The following ADAMTSL1 variants were observed in gnomAD, a reference collection of about 807,000 sequenced individuals.
The protein encoded by ADAMTSL1 is ADAMTS-like protein 1.
ADAMTSL1 carries 126 observed loss-of-function variants against 201.8 expected under a neutral mutation model. The observed-to-expected ratio is 0.62, with a 90% CI of 0.54 to 0.72. The LOEUF is 0.72. Among genes scored for constraint, ADAMTSL1 ranks in the 30% least tolerant of loss-of-function variants. The pLI is 0.00. For synonymous variants in ADAMTSL1, 1,121 were observed against 903.4 expected (o/e 1.24, Z -4.32); for missense variants, 2,679 against 2,277.8 (o/e 1.18, Z -3.59).
chr9:18,649,012 C>G (rs1482738755), intron 7 of ADAMTSL1, among the ~76,000 whole-genome samples: 1 of 152,194 alleles, frequency 6.6e-6, no homozygotes, highest in Non-Finnish European at 1.5e-5. Flanking sequence ...CTCCCCATCA[C>G]TTTCAGGTAC....
chr9:18,296,423 T>C (rs771720297), intron 2 of ADAMTSL1, among the ~76,000 whole-genome samples: 14 of 152,128 alleles, frequency 9.2e-5, no homozygotes, highest in Non-Finnish European at 1.6e-4. Context: ...GACATGGTGA[T>C]ATAAGAGAAT....
chr9:18,829,088 A>C (rs1824808998), intron 22 of ADAMTSL1, among the ~76,000 whole-genome samples: 1 of 152,170 alleles, frequency 6.6e-6, no homozygotes, highest in Non-Finnish European at 1.5e-5. Context: ...ATCTGGGATC[A>C]TCCCACCACT....
At position 18,886,176 on chromosome 9, in the gene ADAMTSL1, A is replaced by G. The variant is rs1287166441; in HGVS notation, c.4250-1655A>G. 3.0e-3 allele frequency among the ~76,000 whole-genome samples: 322 copies of G among 105,672 alleles called. 6 individuals carry two copies. Among genetic ancestry groups the G allele is most frequent in the South Asian group, 0.019 (50 of 2,632 alleles). The allele number at this position is 105,672 out of a possible 152,430, so 69.3% of individuals were successfully genotyped here. A position where few individuals can be genotyped will look rare whatever the true frequency, so the allele number is the denominator to read the frequency against. ...TGTGAGTGTGTATGTGTATATATAT[A>G]TATATATATATATATATATATATAT... is the stretch of plus-strand genomic sequence containing the variant. On this transcript the variant is annotated intron_variant, in intron 23 of 28. Transcript: ENST00000380548.
intron 2 of ADAMTSL1, among the ~76,000 whole-genome samples, chr9:18,448,027 TTCTCTCTC>T (rs10557934): frequency 0.011 from 1,602 of 149,840 alleles, 34 homozygotes; most frequent in African/African-American, 0.037. Context: ...CTCTCGCTCT[TTCTCTCTC>T]TCTCTCTCTC....
At chr9:18,152,945 T>G (rs190704305) in intron 1 of ADAMTSL1, among the ~76,000 whole-genome samples, 1 of 152,070 alleles carries the variant, frequency 6.6e-6, no homozygotes, top group African/African-American at 2.4e-5. Context: ...ATGATCATAT[T>G]TTCTTTCTTT....
chr9:18,387,034 A>G (rs1403114739), intron 2 of ADAMTSL1, among the ~76,000 whole-genome samples: 1 of 152,126 alleles, frequency 6.6e-6, no homozygotes, highest in African/African-American at 2.4e-5. Context: ...TTGATGGGTA[A>G]GGGATGTTCA....
chr9:18,694,789 G>C (rs1404719151), intron 13 of ADAMTSL1, among the ~76,000 whole-genome samples: 1 of 152,214 alleles, frequency 6.6e-6, no homozygotes, highest in African/African-American at 2.4e-5. Flanking sequence ...CAGTGCCCCA[G>C]TTGAGACTCT....
chr9:18,844,757 C>T (rs111717276), intron 23 of ADAMTSL1, among the ~76,000 whole-genome samples: 14,014 of 152,276 alleles, frequency 0.092, 846 homozygotes, highest in East Asian at 0.22. Flanking sequence ...CGCCCCTCCC[C>T]CAGCCTTGCT....
chr9:18,260,327 CTGTT>C (rs771014495), intron 2 of ADAMTSL1, among the ~76,000 whole-genome samples: 26 of 152,368 alleles, frequency 1.7e-4, no homozygotes, highest in Middle Eastern at 3.4e-3. Context: ...TGAAAAACAA[CTGTT>C]TGTACAGCAA....
At chr9:18,402,324 A>C (rs899430892) in intron 2 of ADAMTSL1, among the ~76,000 whole-genome samples, 1 of 152,190 alleles carries the variant, frequency 6.6e-6, no homozygotes, top group African/African-American at 2.4e-5. Context: ...CTAAGTTGGA[A>C]TATCTCTCAA....
chr9:18,730,032 T>C (rs1391905157), intron 15 of ADAMTSL1, among the ~76,000 whole-genome samples: 1 of 149,522 alleles, frequency 6.7e-6, no homozygotes, highest in African/African-American at 2.5e-5. Context: ...AAAATAAATC[T>C]TTTTTTTTTC....
chr9:18,350,537 G>C (rs957650300), intron 2 of ADAMTSL1, among the ~76,000 whole-genome samples: 1 of 152,006 alleles, frequency 6.6e-6, no homozygotes, highest in African/African-American at 2.4e-5. Context: ...TGAAAACCCA[G>C]AAGTTCAAGT....
At chr9:18,593,832 T>C (rs553242689) in intron 4 of ADAMTSL1, among the ~76,000 whole-genome samples, 5 of 152,228 alleles carry the variant, frequency 3.3e-5, no homozygotes, top group African/African-American at 9.6e-5. Context: ...ACCTAACATA[T>C]GGGCTGTCCT....
chr9:18,736,446 C>T (rs1818504856), intron 15 of ADAMTSL1, among the ~76,000 whole-genome samples: 1 of 152,212 alleles, frequency 6.6e-6, no homozygotes, highest in Non-Finnish European at 1.5e-5. Flanking sequence ...GTGTCAGGCA[C>T]TTTATCTTTA....
intron 1 of ADAMTSL1, among the ~76,000 whole-genome samples, chr9:18,092,972 G>C (rs980419386): frequency 6.6e-6 from 1 of 152,124 alleles, no homozygotes; most frequent in East Asian, 1.9e-4. Context: ...AGGGAAAATT[G>C]GGGCTCAATC....
intron 2 of ADAMTSL1, among the ~76,000 whole-genome samples, chr9:18,306,591 C>T (rs1311237982): frequency 5.3e-5 from 8 of 151,910 alleles, no homozygotes; most frequent in Non-Finnish European, 1.2e-4. Context: ...GAAAGGATAT[C>T]AGAGATTGAA....
In ADAMTSL1 at chr9:18,680,133, G is replaced by A. The variant is rs557218558; in HGVS notation, c.1137-179G>A. Among the ~76,000 whole-genome samples the A allele has an allele frequency of 4.5e-4, 69 of 152,302 alleles. 1 individual carries two copies. The highest frequency in any genetic ancestry group is 1.5e-3 in the African/African-American group (61 of 41,570). ...CGGTTTGCAGAGCCCTTTTGCCAATGTTGAATCCTTCTCTCTTACTCATCA... is the reference window on the plus strand; with the variant it reads ...CGGTTTGCAGAGCCCTTTTGCCAATATTGAATCCTTCTCTCTTACTCATCA... On this transcript the variant is annotated intron_variant, in intron 10 of 28. Coordinates refer to ENST00000380548, the MANE Select transcript of ADAMTSL1 (RefSeq NM_001040272.6).
intron 1 of ADAMTSL1, among the ~76,000 whole-genome samples, chr9:18,032,690 A>T (rs1416493654): frequency 6.6e-6 from 1 of 152,184 alleles, no homozygotes; most frequent in Non-Finnish European, 1.5e-5. Context: ...TGGGCTCCGC[A>T]CAAGACCAAG....
At chr9:18,531,233 C>A (rs547188561) in intron 2 of ADAMTSL1, among the ~76,000 whole-genome samples, 3 of 152,288 alleles carry the variant, frequency 2.0e-5, no homozygotes, top group African/African-American at 7.2e-5. Context: ...ACTCTCTGTT[C>A]TCAGCAGTCA....
Sources: allele counts gnomAD v4.1 joint callset (sites outside exome capture counted in the v4.1 genomes callset), GRCh38; gene constraint gnomAD v4.1.1; transcripts MANE v1.5; gene names NCBI Gene and HGNC (gene_info 2026-07-23, HGNC 2026-07-21).